TBC1D16: variants seen among roughly 807,000 people sequenced by gnomAD.
The protein encoded by TBC1D16 is TBC1 domain family member 16.
In TBC1D16, 58 loss-of-function variants were observed where a neutral mutation model predicts 74.7. The observed-to-expected ratio is 0.78, with a 90% CI of 0.63 to 0.97. The LOEUF is 0.97. Ranked by LOEUF, TBC1D16 falls within the 50% of genes least tolerant of loss-of-function variation. The pLI, the probability that TBC1D16 is intolerant of heterozygous loss-of-function variation, is 0.00. For missense variants in TBC1D16, 1,014 were observed against 1,079.5 expected, an observed-to-expected ratio of 0.94 and a Z score of 0.85; for synonymous variants, 493 against 474.7, an observed-to-expected ratio of 1.04 and a Z score of -0.50.
chr17:79,982,447 T>C lies in TBC1D16; in HGVS notation c.779+27713A>G, dbSNP rs184326477. On this transcript the variant is annotated intron_variant, in intron 3 of 11. Transcript: ENST00000310924. ...GCCTGAGCCACTGTGCCCAGCTTCA[T>C]TTTTCTGTAAAGTCAATAATATCAC... Among the ~76,000 whole-genome samples the C allele has an allele frequency of 3.7e-4, 56 of 151,684 alleles. 1 individual carries two copies. In the South Asian group the frequency reaches 5.9e-3, roughly 16 times the overall value.
chr17:79,944,851 C>A lies in TBC1D16; in HGVS notation c.1908+57G>T. 1 of 1,460,644 alleles carries A rather than the reference C, an allele frequency of 6.8e-7. No homozygotes were observed. Among genetic ancestry groups the A allele is most frequent in the South Asian group, 1.3e-5 (1 of 76,468 alleles). The allele number at this position is 1,460,644 out of a possible 1,614,324, so 90.5% of individuals were successfully genotyped here. ...ACAGGGGCAGCAGGCAGGGTGGCCA[C>A]GGTGGTTCAGGGGCCATGGTCCCAA... On this transcript the variant is annotated intron_variant, in intron 10 of 11. Coordinates refer to ENST00000310924, the MANE Select transcript of TBC1D16 (RefSeq NM_019020.4). The surrounding 1 kb of genome is among the most constrained non-coding windows in gnomAD (Gnocchi z 7.7).
rs1443399316 is a variant in TBC1D16 at position 79,956,280 on chromosome 17, G to T, written c.780-3462C>A. ...TGTTTGTTTGTTTTTTAAAGACAAGGTCTCCCTCTATCCCCCTGGCTGAAG... is the reference window on the plus strand; with the variant it reads ...TGTTTGTTTGTTTTTTAAAGACAAGTTCTCCCTCTATCCCCCTGGCTGAAG... On this transcript the variant is annotated intron_variant, in intron 3 of 11. Coordinates refer to ENST00000310924, the MANE Select transcript of TBC1D16 (RefSeq NM_019020.4). The surrounding 1 kb of genome is among the most constrained non-coding windows in gnomAD (Gnocchi z 4.0). Among the ~76,000 whole-genome samples the T allele has an allele frequency of 6.6e-6, 1 of 152,158 alleles. No individual in the cohort carries two copies. Among genetic ancestry groups the T allele is most frequent in the Admixed American group, 6.5e-5 (1 of 15,272 alleles).
chr17:79,950,570 G>A lies in TBC1D16; in HGVS notation c.1098C>T (p.Ala366=). The A allele has an allele frequency of 1.2e-6, 2 of 1,612,372 alleles. No homozygotes were observed. Among genetic ancestry groups the A allele is most frequent in the Non-Finnish European group, 8.5e-7 (1 of 1,179,600 alleles). ...AGAACTGCATGCATGTCTTATCGGG[G>A]GCGACCTGCTGGACGGGAGGAAAAC... ...TEMQLKDQQV[A]PDKTCMQFSI... is the part of the protein sequence containing the mutation. The change falls in exon 6 of 12, where the codon GCC becomes GCT. Residue 366 remains alanine, a synonymous_variant. Coordinates refer to ENST00000310924, the MANE Select transcript of TBC1D16 (RefSeq NM_019020.4). This position sits in a 1 kb window ranked among gnomAD's most constrained non-coding sequence, Gnocchi z 4.6.
At chr17:80,006,616 C>T (rs1014500475) in intron 3 of TBC1D16, among the ~76,000 whole-genome samples, 1 of 152,076 alleles carries the variant, frequency 6.6e-6, no homozygotes, top group Non-Finnish European at 1.5e-5. Context: ...TTCCAGGGCT[C>T]GCCCAGCCCC....
At chr17:79,949,589 C>T in intron 7 of TBC1D16, 128 bp downstream of exon 7, 17 of 1,234,992 alleles carry the variant, frequency 1.4e-5, no homozygotes, top group Non-Finnish European at 1.9e-5. Flanking sequence ...CCTGGGAGAC[C>T]CATTTTTGAA....
At chr17:79,967,975 C>T (rs946764633) in intron 3 of TBC1D16, among the ~76,000 whole-genome samples, 3 of 152,150 alleles carry the variant, frequency 2.0e-5, no homozygotes, top group Admixed American at 2.0e-4. Context: ...TAAAACAATT[C>T]AATTGATAAA....
chr17:79,993,251 T>C lies in TBC1D16; in HGVS notation c.779+16909A>G, dbSNP rs1568618780. 6.6e-6 allele frequency among the ~76,000 whole-genome samples: 1 copy of C among 152,132 alleles called. No homozygotes were observed. The highest frequency in any genetic ancestry group is 1.5e-5 in the Non-Finnish European group (1 of 68,016). ...CTGTCACCACCTGGGGGTAATAAGG[T>C]CAGGGATATGCCCCAGGCCGCCTGC... On this transcript the variant is annotated intron_variant, in intron 3 of 11. Transcript: ENST00000310924. This position sits in a 1 kb window ranked among gnomAD's most constrained non-coding sequence, Gnocchi z 5.1.
chr17:79,960,771 CAAAAACCCAAA>C (rs2033559188), intron 3 of TBC1D16, among the ~76,000 whole-genome samples: 1 of 19,476 alleles, frequency 5.1e-5, no homozygotes, highest in South Asian at 2.2e-3. Context: ...ACCCAAAAAA[CAAAAACCCAAA>C]AAAAAAAAAA....
rs1413495867 is a variant in TBC1D16 at position 79,972,289 on chromosome 17, G to C, written c.780-19471C>G. ...CCTCCCGGATTCAAGCGATTCTCCT[G>C]CTTCAGCCTCCTGAGTAGCTGGGAT... On this transcript the variant is annotated intron_variant, in intron 3 of 11. Transcript: ENST00000310924. Among the ~76,000 whole-genome samples the C allele has an allele frequency of 2.6e-5, 4 of 152,164 alleles. No homozygotes were observed. The East Asian group carries it at 7.7e-4, about 29-fold the overall frequency.
At position 79,936,880 on chromosome 17, in the gene TBC1D16, G is replaced by GAA. The variant is rs1285597655; in HGVS notation, c.*3978_*3979insTT. ...TGCACCCCTGCACATATGTGTGTGT[G>GAA]TGTGTGCATGCGTGCGTGTGTGCAT... On this transcript the variant is annotated 3_prime_UTR_variant, in exon 12 of 12. Coordinates refer to ENST00000310924, the MANE Select transcript of TBC1D16 (RefSeq NM_019020.4). 1.3e-5 allele frequency: 2 copies of GAA among 150,538 alleles called. No individual in the cohort carries two copies. Among genetic ancestry groups the GAA allele is most frequent in the African/African-American group, 4.9e-5 (2 of 40,730 alleles). The allele number at this position is 150,538 out of a possible 1,614,324, so 9.3% of individuals were successfully genotyped here.
At chr17:79,995,435 A>G (rs1008552595) in intron 3 of TBC1D16, among the ~76,000 whole-genome samples, 7 of 152,070 alleles carry the variant, frequency 4.6e-5, no homozygotes, top group Admixed American at 4.6e-4. Flanking sequence ...TCCATAGGCA[A>G]TAAATAAATA....
intron 10 of TBC1D16, among the ~76,000 whole-genome samples, chr17:79,943,449 G>A (rs927557689): frequency 4.6e-5 from 7 of 152,196 alleles, no homozygotes; most frequent in African/African-American, 1.7e-4. Context: ...CATGCTGACA[G>A]CGGACGGATA....
At chr17:79,951,307 G>C in intron 5 of TBC1D16, 143 bp downstream of exon 5, 1 of 998,098 alleles carries the variant, frequency 1.0e-6, no homozygotes, top group Non-Finnish European at 1.5e-6. Flanking sequence ...TTGCTGCTCT[G>C]ACGGCCAAAA....
At chr17:80,019,298 A>G (rs946924573) in intron 1 of TBC1D16, among the ~76,000 whole-genome samples, 1 of 149,994 alleles carries the variant, frequency 6.7e-6, no homozygotes, top group African/African-American at 2.5e-5. Context: ...GCGTCCCAAC[A>G]GTGCAGCTTT....
rs1396713085 is a variant in TBC1D16 at position 79,961,994 on chromosome 17, C to T, written c.780-9176G>A. Among the ~76,000 whole-genome samples, 1 of 152,088 alleles carries T rather than the reference C, an allele frequency of 6.6e-6. No individual in the cohort carries two copies. The highest frequency in any genetic ancestry group is 1.5e-5 in the Non-Finnish European group (1 of 68,004). ...TGGCATACTACTCAGCTGTAACACG[C>T]AGTAGCATGGACGCATGACAAAATT... is the stretch of plus-strand genomic sequence containing the variant. On this transcript the variant is annotated intron_variant, in intron 3 of 11. Coordinates refer to ENST00000310924, the MANE Select transcript of TBC1D16 (RefSeq NM_019020.4). This position sits in a 1 kb window ranked among gnomAD's most constrained non-coding sequence, Gnocchi z 4.8.
chr17:79,945,238 C>G (rs1449677601), intron 9 of TBC1D16, 151 bp from the exon 10 acceptor site: 2 of 814,292 alleles, frequency 2.5e-6, no homozygotes, highest in Admixed American at 2.9e-5. Context: ...CCTGCCCCCC[C>G]AACGCTCCAT....
At position 79,942,195 on chromosome 17, in the gene TBC1D16, G is replaced by A; in HGVS notation, c.1920C>T (p.Phe640=). Residue 640 remains phenylalanine (F), a synonymous_variant, in exon 11 of 12, where the codon TTC becomes TTT. Transcript: ENST00000310924. ...CGATGGCCACGCAGATGAAAAGGTG[G>A]AAGTAGTCCGTCTGTGGAGGCGGGT... is the stretch of plus-strand genomic sequence containing the variant. ...ACWAHYQTDY[F]HLFICVAIVA... 6.2e-7 allele frequency: 1 copy of A among 1,601,326 alleles called. No individual in the cohort carries two copies. The highest frequency in any genetic ancestry group is 8.5e-7 in the Non-Finnish European group (1 of 1,173,986).
At chr17:79,949,581 TG>T in intron 7 of TBC1D16, 135 bp downstream of exon 7, 1 of 1,158,492 alleles carries the variant, frequency 8.6e-7, no homozygotes, top group Non-Finnish European at 1.2e-6. Context: ...CTCACGTTCC[TG>T]GGAGACCCAT....
At chr17:79,952,935 C>T in intron 3 of TBC1D16, 117 bp from the exon 4 acceptor site, 6 of 1,208,096 alleles carry the variant, frequency 5.0e-6, no homozygotes, top group Non-Finnish European at 6.9e-6. Flanking sequence ...AACACACATA[C>T]AGGCACGGCT....
Sources: gnomAD v4.1 joint callset for allele counts (sites outside exome capture counted in the v4.1 genomes callset) on GRCh38, gnomAD v4.1.1 for gene constraint, Gnocchi (gnomAD v3.1) non-coding constraint, MANE v1.5 for transcripts, NCBI Gene and HGNC (gene_info 2026-07-23, HGNC 2026-07-21) for gene names.